SLC26A7: variants seen among roughly 807,000 people sequenced by gnomAD.
SLC26A7 encodes anion exchange transporter.
SLC26A7 carries 59 observed loss-of-function variants against 82.5 expected under a neutral mutation model. The ratio of observed to expected loss-of-function variants is 0.72; its 90% CI spans 0.58 to 0.89. SLC26A7 has a LOEUF of 0.89. Among genes scored for constraint, SLC26A7 ranks in the 40% least tolerant of loss-of-function variants. The probability of loss-of-function intolerance (pLI) is 0.00; values close to 1 mark genes in which losing one functional copy is unlikely to be tolerated. For missense variants in SLC26A7, 820 were observed against 793.0 expected (o/e 1.03, Z -0.41); for synonymous variants, 271 against 274.3 (o/e 0.99, Z 0.12).
chr8:91,358,114 G>A (rs1230092517), intron 11 of SLC26A7, among the ~76,000 whole-genome samples: 2 of 152,120 alleles, frequency 1.3e-5, no homozygotes, highest in Non-Finnish European at 1.5e-5. Flanking sequence ...GAAACAACAG[G>A]TGCTGGAGAG....
intron 4 of SLC26A7, among the ~76,000 whole-genome samples, chr8:91,313,967 A>G (rs748963709): frequency 7.9e-5 from 12 of 152,236 alleles, no homozygotes; most frequent in Non-Finnish European, 1.2e-4. Context: ...TCTGAGATAC[A>G]TTCAATTAAT....
intron 12 of SLC26A7, among the ~76,000 whole-genome samples, chr8:91,362,877 T>C (rs867693224): frequency 6.6e-6 from 1 of 152,060 alleles, no homozygotes; most frequent in Non-Finnish European, 1.5e-5. Flanking sequence ...ATCTATTTTC[T>C]AGATAATTTA....
intron 1 of SLC26A7, among the ~76,000 whole-genome samples, chr8:91,212,668 G>T (rs897514796): frequency 2.0e-5 from 3 of 152,054 alleles, no homozygotes; most frequent in African/African-American, 7.2e-5. Context: ...ATTCATTTAT[G>T]AAACTGATCA....
chr8:91,373,238 TGGC>T (rs1305956088), intron 15 of SLC26A7, among the ~76,000 whole-genome samples: 4 of 152,184 alleles, frequency 2.6e-5, no homozygotes, highest in Non-Finnish European at 5.9e-5. Flanking sequence ...CTTATTTCTC[TGGC>T]TAGCACTTCC....
In SLC26A7 at chr8:91,389,358, C is replaced by T; in HGVS notation, c.1696C>T (p.Pro566Ser). The part of the protein sequence containing the change: ...NCNEEASQSC[P>S]NEKCYLILDC... Reference sequence around the variant, plus strand: ...TACAGAAGAAGCTTCACAGTCCTGCCCTAATGAGAAGTGTTATTTAATCCT... The same window carrying T: ...TACAGAAGAAGCTTCACAGTCCTGCTCTAATGAGAAGTGTTATTTAATCCT... The change falls in exon 16 of 19, where the codon CCT (proline) becomes TCT (serine). Residue 566 changes from proline (P) to serine (S), a missense_variant. By Grantham distance (74) the Pro-to-Ser change is moderately conservative. Transcript: ENST00000276609. 2 of 1,613,886 alleles carry T rather than the reference C, an allele frequency of 1.2e-6. No homozygotes were observed. Among genetic ancestry groups the T allele is most frequent in the Middle Eastern group, 1.7e-4 (1 of 6,058 alleles).
intron 6 of SLC26A7, among the ~76,000 whole-genome samples, chr8:91,336,424 C>T (rs1201519089): frequency 5.9e-5 from 9 of 152,080 alleles, no homozygotes; most frequent in East Asian, 1.9e-4. Context: ...GAACTTCACA[C>T]GTGAGAAATC....
chr8:91,313,504 T>C (rs1432027461), intron 4 of SLC26A7, among the ~76,000 whole-genome samples: 1 of 152,156 alleles, frequency 6.6e-6, no homozygotes, highest in Non-Finnish European at 1.5e-5. Context: ...GTTTTCCTAA[T>C]GTTATTAGCA....
Position 91,351,907 on chromosome 8 carries a change from C to A in SLC26A7, c.1218+20C>A. ...CCCATGGTACGGTAGTGCTTTTTCA[C>A]TATCTACTTTTTAATTTAACTTTTC... On this transcript the variant is annotated intron_variant, in intron 10 of 18. Coordinates refer to ENST00000276609, the MANE Select transcript of SLC26A7 (RefSeq NM_052832.4). 6.5e-7 allele frequency: 1 copy of A among 1,537,280 alleles called. No homozygotes were observed. The highest frequency in any genetic ancestry group is 9.0e-7 in the Non-Finnish European group (1 of 1,113,044).
rs368945208 is a variant in SLC26A7, at chr8:91,318,215, G to A, written c.478-1G>A. On this transcript the variant is annotated splice_acceptor_variant, in intron 4 of 18. Coordinates refer to ENST00000276609, the MANE Select transcript of SLC26A7 (RefSeq NM_052832.4). LOFTEE classifies it high-confidence loss of function. Reference sequence around the variant, plus strand: ...ATCTCACTTCTCCCTTCTCCTCTTAGGTGGCCATGTTTGTGCTGCAACTGG... The same window carrying A: ...ATCTCACTTCTCCCTTCTCCTCTTAAGTGGCCATGTTTGTGCTGCAACTGG... 4 of 1,595,856 alleles carry A rather than the reference G, an allele frequency of 2.5e-6. No individual in the cohort carries two copies. In the African/African-American group the frequency reaches 4.0e-5, roughly 16 times the overall value.
chr8:91,323,128 G>A (rs1414890112), intron 5 of SLC26A7, among the ~76,000 whole-genome samples: 2 of 152,152 alleles, frequency 1.3e-5, no homozygotes, highest in African/African-American at 4.8e-5. Context: ...GTTTATGAAA[G>A]CTCACAGTTT....
chr8:91,342,301 G>T (rs947082521), intron 8 of SLC26A7, among the ~76,000 whole-genome samples: 1 of 152,134 alleles, frequency 6.6e-6, no homozygotes, highest in Non-Finnish European at 1.5e-5. Context: ...CTCAAGATTT[G>T]CCCATGCTTT....
chr8:91,308,755 A>C (rs1433013361), intron 4 of SLC26A7, among the ~76,000 whole-genome samples: 1 of 152,120 alleles, frequency 6.6e-6, no homozygotes, highest in Non-Finnish European at 1.5e-5. Context: ...TATTTGTTCT[A>C]TTCTTTGGTT....
At chr8:91,245,636 C>T (rs531995609), upstream of SLC26A7, among the ~76,000 whole-genome samples, 8 of 152,192 alleles carry the variant, frequency 5.3e-5, no homozygotes, top group East Asian at 9.6e-4. Flanking sequence ...ATTGTAACCT[C>T]GATATAAATC....
intron 5 of SLC26A7, 37 bp from the exon 6 acceptor site, chr8:91,334,258 C>A (rs757078986): frequency 1.9e-6 from 3 of 1,576,484 alleles, no homozygotes; most frequent in Admixed American, 3.6e-5. Context: ...TTATAGGTGA[C>A]CCTGAATTTT....
chr8:91,389,847 T>A (rs1267214047), intron 16 of SLC26A7, among the ~76,000 whole-genome samples: 1 of 152,154 alleles, frequency 6.6e-6, no homozygotes, highest in African/African-American at 2.4e-5. Flanking sequence ...TGGGTACAGT[T>A]TGGCCTAATA....
At chr8:91,346,419 T>C (rs1027670991) in intron 9 of SLC26A7, among the ~76,000 whole-genome samples, 1 of 152,106 alleles carries the variant, frequency 6.6e-6, no homozygotes, top group African/African-American at 2.4e-5. Context: ...GAAAGCAACT[T>C]TCTATGTGAC....
intron 2 of SLC26A7, among the ~76,000 whole-genome samples, chr8:91,288,011 G>A (rs1303903734): frequency 1.3e-5 from 2 of 152,156 alleles, no homozygotes; most frequent in Admixed American, 6.5e-5. Context: ...AAAGAAGAAA[G>A]GAGTGGTCAT....
At chr8:91,243,964 G>A (rs2130688463) in intron 2 of SLC26A7, among the ~76,000 whole-genome samples, 1 of 152,198 alleles carries the variant, frequency 6.6e-6, no homozygotes, top group East Asian at 1.9e-4. Flanking sequence ...AATAACTGAA[G>A]GAACTTAGTA....
chr8:91,225,660 T>G (rs967288407), intron 2 of SLC26A7, among the ~76,000 whole-genome samples: 1 of 134,712 alleles, frequency 7.4e-6, no homozygotes, highest in Admixed American at 7.5e-5. Context: ...TTTTTTTTTT[T>G]TTTTTTTTTT....
Sources: allele counts gnomAD v4.1 joint callset (sites outside exome capture counted in the v4.1 genomes callset), GRCh38; gene constraint gnomAD v4.1.1; transcripts MANE v1.5; gene names NCBI Gene and HGNC (gene_info 2026-07-23, HGNC 2026-07-21).